SHISA9: variants seen among roughly 807,000 people sequenced by gnomAD.
The protein encoded by SHISA9 is shisa family member 9, also known as protein shisa-9.
SHISA9 carries 13 observed loss-of-function variants against 38.0 expected under a neutral mutation model. The observed-to-expected ratio is 0.34, with a 90% CI of 0.22 to 0.54. The LOEUF is 0.54. SHISA9 is among the 20% of genes least tolerant of loss of function. The pLI, the probability that SHISA9 is intolerant of heterozygous loss-of-function variation, is 0.91. For missense variants in SHISA9, 538 were observed against 575.8 expected, an observed-to-expected ratio of 0.93 and a Z score of 0.67; for synonymous variants, 275 against 242.0, an observed-to-expected ratio of 1.14 and a Z score of -1.27.
At chr16:13,036,710 A>G (rs1052015863) in intron 2 of SHISA9, among the ~76,000 whole-genome samples, 13 of 151,548 alleles carry the variant, frequency 8.6e-5, no homozygotes, top group African/African-American at 3.2e-4. Flanking sequence ...AGAATGATAT[A>G]TGGGTTGACA....
In SHISA9 at chr16:13,203,453, C is replaced by G. The variant is rs1396833133; in HGVS notation, c.751C>G (p.Pro251Ala). 6.4e-7 allele frequency: 1 copy of G among 1,551,240 alleles called. No individual in the cohort carries two copies. Among genetic ancestry groups the G allele is most frequent in the African/African-American group, 1.4e-5 (1 of 73,118 alleles). The change falls in exon 3 of 5, where the codon CCA becomes GCA. Residue 251 changes from proline (P) to alanine (A), a missense_variant. Pro to Ala is a conservative substitution (Grantham distance 27). Around this residue, in one of 4 missense-constraint regions of SHISA9, gnomAD observed 326 missense variants for 305.9 expected, o/e 1.07. Coordinates refer to ENST00000558583, the MANE Select transcript of SHISA9 (RefSeq NM_001145204.3). ...TCCTCTGCTCCAGCAGATGGGCCATCCACATTCGTACCCGAACCTGGGCCA... is the reference window on the plus strand; with the variant it reads ...TCCTCTGCTCCAGCAGATGGGCCATGCACATTCGTACCCGAACCTGGGCCA... The part of the protein sequence containing the change: ...TSPLLQQMGH[P>A]HSYPNLGQIS...
At chr16:13,464,515 T>G in the SHISA9 span, among the ~76,000 whole-genome samples, 1 of 152,236 alleles carries the variant, frequency 6.6e-6, no homozygotes, top group African/African-American at 2.4e-5. Flanking sequence ...AACTTGAGTC[T>G]GAACTAGAGT....
the SHISA9 span, among the ~76,000 whole-genome samples, chr16:13,316,435 A>T: frequency 6.6e-6 from 1 of 152,130 alleles, no homozygotes; most frequent in African/African-American, 2.4e-5. Context: ...GCTCAAATGC[A>T]CCTTCAGGTC....
At chr16:12,975,046 A>G (rs994231716) in intron 2 of SHISA9, among the ~76,000 whole-genome samples, 2 of 152,094 alleles carry the variant, frequency 1.3e-5, no homozygotes, top group Non-Finnish European at 2.9e-5. Flanking sequence ...CCATCTGACA[A>G]ATATTTGTTG....
chr16:13,247,164 C>A, the SHISA9 span, among the ~76,000 whole-genome samples: 1 of 152,054 alleles, frequency 6.6e-6, no homozygotes, highest in South Asian at 2.1e-4. Context: ...AAATGCCACA[C>A]TTGTAAACCA....
chr16:13,230,775 C>A (rs139871892), intron 4 of SHISA9, among the ~76,000 whole-genome samples: 1 of 152,268 alleles, frequency 6.6e-6, no homozygotes, highest in African/African-American at 2.4e-5. Flanking sequence ...GCTGGTTACT[C>A]ATTTTTATGG....
chr16:13,379,050 C>T, the SHISA9 span, among the ~76,000 whole-genome samples: 1 of 152,194 alleles, frequency 6.6e-6, no homozygotes, highest in South Asian at 2.1e-4. Context: ...CACTCAATTC[C>T]CAGTGGTAGA....
the SHISA9 span, among the ~76,000 whole-genome samples, chr16:13,440,008 C>T: frequency 3.9e-3 from 590 of 152,290 alleles, 6 homozygotes; most frequent in African/African-American, 0.013. Context: ...CAGGCAGCCG[C>T]GCCTCAAGAG....
intron 2 of SHISA9, among the ~76,000 whole-genome samples, chr16:13,141,544 T>C (rs2050401805): frequency 6.6e-6 from 1 of 151,676 alleles, no homozygotes; most frequent in Non-Finnish European, 1.5e-5. Flanking sequence ...TTTAGCCAGG[T>C]GTGGTGGTAC....
rs2141812269 is a variant in SHISA9 at position 12,971,946 on chromosome 16, ATTTCT to A, written c.691+55132_691+55136del. ...ATTGTAGTCTAATTAGTCCACAAAA[ATTTCT>A]CTTGCATGCTTAATCTATGCCAGAC... On this transcript the variant is annotated intron_variant, in intron 2 of 4. Transcript: ENST00000558583. Among the ~76,000 whole-genome samples, 3 of 152,034 alleles carry A rather than the reference ATTTCT, an allele frequency of 2.0e-5. No individual in the cohort carries two copies. The South Asian group carries it at 6.2e-4, about 32-fold the overall frequency.
At chr16:12,909,442 C>T in intron 1 of SHISA9, 2 of 985,386 alleles carry the variant, frequency 2.0e-6, no homozygotes, top group African/African-American at 1.7e-5. Context: ...CATTGGGATA[C>T]CTGGAGGCTT....
At chr16:13,412,843 A>C in the SHISA9 span, among the ~76,000 whole-genome samples, 1 of 152,128 alleles carries the variant, frequency 6.6e-6, no homozygotes, top group Non-Finnish European at 1.5e-5. Flanking sequence ...GCGACAGAGA[A>C]AGACCCTGTC....
At chr16:13,388,380 C>T in the SHISA9 span, among the ~76,000 whole-genome samples, 12 of 150,568 alleles carry the variant, frequency 8.0e-5, no homozygotes, top group Non-Finnish European at 1.6e-4. Context: ...GGCTCAATCT[C>T]GGCTCACTGC....
chr16:13,272,221 A>T, the SHISA9 span, among the ~76,000 whole-genome samples: 1 of 152,122 alleles, frequency 6.6e-6, no homozygotes. Flanking sequence ...AGCTCAATAA[A>T]TTTTTTTATA....
chr16:13,358,656 G>C, the SHISA9 span, among the ~76,000 whole-genome samples: 1 of 152,100 alleles, frequency 6.6e-6, no homozygotes, highest in Admixed American at 6.5e-5. Flanking sequence ...CAGCATAATT[G>C]TAAGTGCTTC....
At chr16:12,925,180 G>A (rs930377442) in intron 2 of SHISA9, among the ~76,000 whole-genome samples, 2 of 151,908 alleles carry the variant, frequency 1.3e-5, no homozygotes, top group African/African-American at 4.8e-5. Context: ...GGGAGTGTTT[G>A]TTATTACTAA....
the SHISA9 span, among the ~76,000 whole-genome samples, chr16:13,431,824 G>T: frequency 1.3e-5 from 2 of 152,180 alleles, no homozygotes; most frequent in Non-Finnish European, 2.9e-5. Context: ...ACTTTGGGAG[G>T]CTGAGGCGGG....
chr16:13,397,448 G>A, the SHISA9 span, among the ~76,000 whole-genome samples: 1 of 147,316 alleles, frequency 6.8e-6, no homozygotes, highest in Non-Finnish European at 1.5e-5. Flanking sequence ...TTGTTTTTAG[G>A]CAGAGTCTCG....
the SHISA9 span, among the ~76,000 whole-genome samples, chr16:13,466,741 T>C: frequency 3.3e-5 from 5 of 152,264 alleles, no homozygotes; most frequent in African/African-American, 9.6e-5. Context: ...TCTTCTTTTA[T>C]TCCTTTATCA....
Sources: allele counts gnomAD v4.1 joint callset (sites outside exome capture counted in the v4.1 genomes callset), GRCh38; gene constraint gnomAD v4.1.1; regional missense constraint gnomAD v4.1.1; transcripts MANE v1.5; gene names NCBI Gene and HGNC (gene_info 2026-07-23, HGNC 2026-07-21).